The following DAAM2 variants were observed in gnomAD, a reference collection of about 807,000 sequenced individuals.
The protein encoded by DAAM2 is dishevelled associated activator of morphogenesis 2, also known as disheveled-associated activator of morphogenesis 2.
DAAM2 carries 39 observed loss-of-function variants against 120.7 expected under a neutral mutation model. That is an observed-to-expected ratio of 0.32 (90% CI 0.25 to 0.42). The LOEUF (loss-of-function observed/expected upper bound fraction) is 0.42. Ranked by LOEUF, DAAM2 falls within the 10% of genes least tolerant of loss-of-function variation. The pLI is 1.00. For synonymous variants in DAAM2, 488 were observed against 524.9 expected (o/e 0.93, Z 0.96); for missense variants, 1,283 against 1,401.7 (o/e 0.92, Z 1.35).
At chr6:39,892,375 C>G (rs941654827) in intron 19 of DAAM2, among the ~76,000 whole-genome samples, 3 of 152,180 alleles carry the variant, frequency 2.0e-5, no homozygotes, top group Admixed American at 6.5e-5. Flanking sequence ...TAAAGTAGGG[C>G]TGTGTTAATG....
At chr6:39,841,161 G>C (rs1376637513) in intron 1 of DAAM2, among the ~76,000 whole-genome samples, 1 of 72,864 alleles carries the variant, frequency 1.4e-5, no homozygotes. Context: ...AGGGTTCCAG[G>C]GGGAGAGGCT....
In DAAM2 at chr6:39,870,426, A is replaced by G; in HGVS notation, c.960A>G (p.Glu320=). Residue 320 remains glutamate, a synonymous_variant, in exon 8 of 25, where the codon GAA becomes GAG. Transcript: ENST00000274867. ...QPVIDKLRQH[E]NAILDKHLDF... ...TGATTGACAAGCTCCGGCAACATGA[A>G]AATGCCATCCTGGACAAGTAAGTTC... 1 of 1,578,090 alleles carries G rather than the reference A, an allele frequency of 6.3e-7. No homozygotes were observed. Among genetic ancestry groups the G allele is most frequent in the Non-Finnish European group, 8.6e-7 (1 of 1,160,146 alleles).
At chr6:39,832,180 G>C (rs1762940851) in intron 1 of DAAM2, among the ~76,000 whole-genome samples, 1 of 151,950 alleles carries the variant, frequency 6.6e-6, no homozygotes, top group African/African-American at 2.4e-5. Context: ...GGGTAGAGGG[G>C]CCGACAGGTC....
chr6:39,848,891 G>A (rs10947839), intron 1 of DAAM2: 50,281 of 152,042 alleles, frequency 0.33, 9,356 homozygotes, highest in Non-Finnish European at 0.42. Context: ...AAGTTTCTTC[G>A]TCTGTAAAAA....
intron 1 of DAAM2, 68 bp from the exon 2 acceptor site, chr6:39,856,179 A>C: frequency 2.3e-6 from 3 of 1,296,124 alleles, no homozygotes; most frequent in Non-Finnish European, 2.9e-6. Context: ...TTATGAAGGC[A>C]GAGTGACCTC....
chr6:39,883,028 G>A (rs56342319), intron 14 of DAAM2, among the ~76,000 whole-genome samples: 6,759 of 152,222 alleles, frequency 0.044, 270 homozygotes, highest in African/African-American at 0.1. Context: ...CCCCAGCTGC[G>A]CTCTAGGTAG....
At chr6:39,825,295 C>A (rs1582626674) in intron 1 of DAAM2, among the ~76,000 whole-genome samples, 2 of 152,044 alleles carry the variant, frequency 1.3e-5, no homozygotes, top group South Asian at 4.1e-4. Flanking sequence ...GAGGCTGAGG[C>A]AGGATAATGC....
At position 39,902,199 on chromosome 6, in the gene DAAM2, C is replaced by G. The variant is rs978225355; in HGVS notation, c.*162C>G. The G allele has an allele frequency of 9.3e-6, 5 of 535,700 alleles. No individual in the cohort carries two copies. In the East Asian group the frequency reaches 1.3e-4, roughly 14 times the overall value. 33.2% of individuals were successfully genotyped at this position (535,700 alleles called of 1,614,324 possible). ...TGTGGCTGGACCAGGTGTCTCCCCA[C>G]GCTTACCTTAAGGGGCTCCTCTTAT... On this transcript the variant is annotated 3_prime_UTR_variant, in exon 25 of 25. Coordinates refer to ENST00000274867, the MANE Select transcript of DAAM2 (RefSeq NM_001201427.2).
chr6:39,868,990 G>C, intron 7 of DAAM2, 57 bp downstream of exon 7: 1 of 1,212,618 alleles, frequency 8.2e-7, no homozygotes, highest in Non-Finnish European at 1.2e-6. Context: ...CTGGGGTAGA[G>C]TGTGTGAGTG....
chr6:39,793,665 A>C (rs1761615316), intron 1 of DAAM2, among the ~76,000 whole-genome samples: 1 of 152,162 alleles, frequency 6.6e-6, no homozygotes, highest in Non-Finnish European at 1.5e-5. Context: ...TTGCAAAGCC[A>C]GCTGAAGCGG....
Position 39,901,355 on chromosome 6 carries a change from C to G in DAAM2, c.2865C>G (p.Asp955Glu), listed in dbSNP as rs368026649. 6.6e-5 allele frequency: 106 copies of G among 1,613,940 alleles called. No homozygotes were observed. In the African/African-American group the frequency reaches 1.2e-3, roughly 18 times the overall value. ...FGEHDSKMQP[D>E]EFFGIFDTFL... ...AGCATGACAGCAAGATGCAGCCAGA[C>G]GAATTCTTTGGCATCTTTGATACCT... Residue 955 changes from aspartate to glutamate, a missense_variant, in exon 24 of 25, where the codon GAC (aspartate) becomes GAG (glutamate). Physicochemically the swap from Asp to Glu is conservative, Grantham distance 45. Transcript: ENST00000274867. This position sits in a 1 kb window ranked among gnomAD's most constrained non-coding sequence, Gnocchi z 4.5.
intron 20 of DAAM2, 90 bp from the exon 21 acceptor site, chr6:39,897,085 C>T: frequency 6.6e-7 from 1 of 1,517,868 alleles, no homozygotes; most frequent in Non-Finnish European, 9.0e-7. Context: ...GACTCATCAC[C>T]CCTTTCTCTT....
In DAAM2 at chr6:39,903,924, C is replaced by G. The variant is rs1395020256; in HGVS notation, c.*1887C>G. ...GCAAGATGAAGGCTTCCAGGCAGAA[C>G]AGCTGCAGAGAGTTTGGCTATATGC... On this transcript the variant is annotated 3_prime_UTR_variant, in exon 25 of 25. Coordinates refer to ENST00000274867, the MANE Select transcript of DAAM2 (RefSeq NM_001201427.2). 3 of 330,680 alleles carry G rather than the reference C, an allele frequency of 9.1e-6. No homozygotes were observed. The highest frequency in any genetic ancestry group is 5.2e-5 in the South Asian group (2 of 38,404). 20.5% of individuals were successfully genotyped at this position (330,680 alleles called of 1,614,324 possible). A position where few individuals can be genotyped will look rare whatever the true frequency, so the allele number is the denominator to read the frequency against.
intron 1 of DAAM2, among the ~76,000 whole-genome samples, chr6:39,814,317 A>G (rs966033013): frequency 2.0e-5 from 3 of 152,052 alleles, no homozygotes; most frequent in Non-Finnish European, 2.9e-5. Flanking sequence ...TTTAAATGAC[A>G]GAAGATGAAG....
At position 39,878,054 on chromosome 6, in the gene DAAM2, C is replaced by T. The variant is rs1203131218; in HGVS notation, c.1302-149C>T. On this transcript the variant is annotated intron_variant, in intron 11 of 24. Transcript: ENST00000274867. This position sits in a 1 kb window ranked among gnomAD's most constrained non-coding sequence, Gnocchi z 5.0. ...CGGGGCAGGGGACCTGGAGAGACAC[C>T]TGGGAAGTCTAAATCCTAGCCCCCT... is the stretch of plus-strand genomic sequence containing the variant. The T allele has an allele frequency of 5.4e-6, 4 of 746,998 alleles. No individual in the cohort carries two copies. Among genetic ancestry groups the T allele is most frequent in the East Asian group, 5.4e-5 (2 of 37,228 alleles). The allele number at this position is 746,998 out of a possible 1,614,324, so 46.3% of individuals were successfully genotyped here. A position where few individuals can be genotyped will look rare whatever the true frequency, so the allele number is the denominator to read the frequency against.
chr6:39,794,463 TGCC>T (rs1355060078), intron 1 of DAAM2, among the ~76,000 whole-genome samples: 1 of 152,210 alleles, frequency 6.6e-6, no homozygotes, highest in Admixed American at 6.5e-5. Context: ...GGAATACTCG[TGCC>T]CCCATCAGGA....
intron 1 of DAAM2, among the ~76,000 whole-genome samples, chr6:39,845,930 G>A (rs1374678530): frequency 1.3e-5 from 2 of 152,012 alleles, no homozygotes; most frequent in African/African-American, 2.4e-5. Context: ...AGAATAACTC[G>A]AGAAGCACAT....
intron 8 of DAAM2, 54 bp downstream of exon 8, chr6:39,870,497 T>A (rs777079374): frequency 4.3e-5 from 48 of 1,108,972 alleles, no homozygotes; most frequent in Non-Finnish European, 6.4e-5. Context: ...GTGCCTCAGA[T>A]GGGGATAGTT....
intron 1 of DAAM2, among the ~76,000 whole-genome samples, chr6:39,842,844 CA>C (rs1285020536): frequency 6.8e-6 from 1 of 147,444 alleles, no homozygotes; most frequent in Non-Finnish European, 1.5e-5. Context: ...GGGGAGGAAG[CA>C]GGGGAGGTGG....
Sources: allele counts gnomAD v4.1 joint callset (sites outside exome capture counted in the v4.1 genomes callset), GRCh38; gene constraint gnomAD v4.1.1; non-coding constraint Gnocchi (gnomAD v3.1); transcripts MANE v1.5; gene names NCBI Gene and HGNC (gene_info 2026-07-23, HGNC 2026-07-21).